Variants in FNDC3B observed in about 807,000 individuals in gnomAD.
The protein encoded by FNDC3B is fibronectin type III domain-containing protein 3B.
FNDC3B carries 12 observed loss-of-function variants against 151.5 expected under a neutral mutation model. The ratio of observed to expected loss-of-function variants is 0.08; its 90% CI spans 0.05 to 0.13. The LOEUF is 0.13. FNDC3B is among the 10% of genes least tolerant of loss of function. The probability of loss-of-function intolerance (pLI) is 1.00; values close to 1 mark genes in which losing one functional copy is unlikely to be tolerated. For missense variants in FNDC3B, 1,214 were observed against 1,505.3 expected, an observed-to-expected ratio of 0.81 and a Z score of 3.20; for synonymous variants, 528 against 549.0, an observed-to-expected ratio of 0.96 and a Z score of 0.54.
chr3:172,384,260 C>T (rs986310956), intron 25 of FNDC3B, among the ~76,000 whole-genome samples: 6 of 152,190 alleles, frequency 3.9e-5, no homozygotes, highest in Admixed American at 1.3e-4. Flanking sequence ...TTAACATCAG[C>T]GGATGATGTC....
intron 1 of FNDC3B, among the ~76,000 whole-genome samples, chr3:172,070,800 G>A (rs1196670911): frequency 2.6e-5 from 4 of 152,078 alleles, no homozygotes; most frequent in Non-Finnish European, 5.9e-5. Flanking sequence ...ATCTTTACCC[G>A]TTTTCATTCT....
chr3:172,322,026 T>A (rs9837059), intron 11 of FNDC3B, among the ~76,000 whole-genome samples: 26,290 of 152,220 alleles, frequency 0.17, 3,132 homozygotes, highest in African/African-American at 0.34. Flanking sequence ...GTATATAGAC[T>A]TCAAAATAGA....
At chr3:172,168,342 CT>C (rs1348390623) in intron 3 of FNDC3B, among the ~76,000 whole-genome samples, 2 of 152,152 alleles carry the variant, frequency 1.3e-5, no homozygotes, top group African/African-American at 4.8e-5. Flanking sequence ...GCCCTCTTTT[CT>C]TTTATTCTGA....
At chr3:172,363,587 A>G (rs1323169134) in intron 23 of FNDC3B, among the ~76,000 whole-genome samples, 1 of 152,230 alleles carries the variant, frequency 6.6e-6, no homozygotes. Context: ...TAAAACCAAA[A>G]CAACCAAAAT....
chr3:172,327,231 C>T (rs1419163365), intron 11 of FNDC3B, among the ~76,000 whole-genome samples: 1 of 152,160 alleles, frequency 6.6e-6, no homozygotes, highest in African/African-American at 2.4e-5. Flanking sequence ...CCCAACTCGG[C>T]CACCAAGTTG....
intron 4 of FNDC3B, among the ~76,000 whole-genome samples, chr3:172,241,031 T>C (rs1179041237): frequency 1.3e-5 from 2 of 152,106 alleles, no homozygotes; most frequent in African/African-American, 2.4e-5. Flanking sequence ...AAAACAGACA[T>C]GATAAAGAAT....
chr3:172,275,688 C>G (rs926393591), intron 6 of FNDC3B, among the ~76,000 whole-genome samples: 1 of 152,192 alleles, frequency 6.6e-6, no homozygotes, highest in Non-Finnish European at 1.5e-5. Flanking sequence ...TAGCATTTTC[C>G]GTATAGACAT....
chr3:172,311,833 G>A (rs1372015985), intron 11 of FNDC3B, among the ~76,000 whole-genome samples: 9 of 149,782 alleles, frequency 6.0e-5, no homozygotes, highest in East Asian at 4.0e-4. Context: ...AGCCGAGATC[G>A]CACCACTGCA....
At chr3:172,189,386 A>G (rs541041169) in intron 3 of FNDC3B, among the ~76,000 whole-genome samples, 2 of 152,252 alleles carry the variant, frequency 1.3e-5, no homozygotes, top group Non-Finnish European at 2.9e-5. Flanking sequence ...TTTTCATTCC[A>G]AATTTTCTAT....
Position 172,109,933 on chromosome 3 carries a change from A to T in FNDC3B, c.-28-2519A>T, listed in dbSNP as rs571709379. On this transcript the variant is annotated intron_variant, in intron 1 of 25. Coordinates refer to ENST00000415807, the MANE Select transcript of FNDC3B (RefSeq NM_022763.4). ...GTTTTGCACATCTGTGTCAGTCCCCATACTCTTCTATCCTACTTCTGTAAG... is the reference window on the plus strand; with the variant it reads ...GTTTTGCACATCTGTGTCAGTCCCCTTACTCTTCTATCCTACTTCTGTAAG... Among the ~76,000 whole-genome samples, 20 of 152,316 alleles carry T rather than the reference A, an allele frequency of 1.3e-4. No individual in the cohort carries two copies. The South Asian group carries it at 3.1e-3, about 24-fold the overall frequency.
intron 4 of FNDC3B, among the ~76,000 whole-genome samples, chr3:172,244,702 G>A (rs998923935): frequency 7.7e-6 from 1 of 130,230 alleles, no homozygotes; most frequent in African/African-American, 3.0e-5. Flanking sequence ...TTGGCTCACT[G>A]CAGCCTCCAC....
intron 1 of FNDC3B, among the ~76,000 whole-genome samples, chr3:172,060,541 G>A (rs1717148033): frequency 6.6e-6 from 1 of 152,188 alleles, no homozygotes; most frequent in Non-Finnish European, 1.5e-5. Flanking sequence ...GGTACCTGAA[G>A]TTTAGGGAGC....
chr3:172,168,037 A>T (rs970207987), intron 3 of FNDC3B, among the ~76,000 whole-genome samples: 78 of 152,212 alleles, frequency 5.1e-4, no homozygotes, highest in African/African-American at 1.8e-3. Context: ...CAGCTGTTGT[A>T]ATGCTATGAT....
At chr3:172,147,111 G>A (rs957364238) in intron 3 of FNDC3B, among the ~76,000 whole-genome samples, 3 of 152,082 alleles carry the variant, frequency 2.0e-5, no homozygotes, top group Non-Finnish European at 4.4e-5. Flanking sequence ...TTTGAGACCA[G>A]CCAGGCCAAC....
At chr3:172,349,152 C>T (rs1733742889) in intron 21 of FNDC3B, among the ~76,000 whole-genome samples, 2 of 151,892 alleles carry the variant, frequency 1.3e-5, no homozygotes, top group African/African-American at 4.8e-5. Context: ...AAAAATTAGC[C>T]AGGCATCTGT....
rs549259974 is a variant in FNDC3B, at chr3:172,216,149, C to A, written c.188-10722C>A. ...TGAAGCACTCGATGCTCTGGTGATG[C>A]CTTTGTTTTAATTTTGCTGTTGATA... On this transcript the variant is annotated intron_variant, in intron 3 of 25. Coordinates refer to ENST00000415807, the MANE Select transcript of FNDC3B (RefSeq NM_022763.4). 1.7e-3 allele frequency among the ~76,000 whole-genome samples: 262 copies of A among 152,226 alleles called. 1 individual carries two copies. Among genetic ancestry groups the A allele is most frequent in the Middle Eastern group, 0.014 (4 of 294 alleles).
At chr3:172,175,782 TG>T (rs746983244) in intron 3 of FNDC3B, among the ~76,000 whole-genome samples, 63 of 152,190 alleles carry the variant, frequency 4.1e-4, no homozygotes, top group Middle Eastern at 3.4e-3. Flanking sequence ...TGGAGAAGTG[TG>T]AAGGGTCTCC....
intron 6 of FNDC3B, among the ~76,000 whole-genome samples, chr3:172,281,881 G>T (rs1456207207): frequency 6.6e-6 from 1 of 152,064 alleles, no homozygotes; most frequent in Non-Finnish European, 1.5e-5. Flanking sequence ...TTCACAATAT[G>T]GGAGGTGTGT....
chr3:172,374,302 A>T (rs1400755801), intron 23 of FNDC3B, among the ~76,000 whole-genome samples: 1 of 152,240 alleles, frequency 6.6e-6, no homozygotes, highest in East Asian at 1.9e-4. Flanking sequence ...CCTTTCTAAA[A>T]ATTCTGTCTT....
Sources: allele counts gnomAD v4.1 joint callset (sites outside exome capture counted in the v4.1 genomes callset), GRCh38; gene constraint gnomAD v4.1.1; transcripts MANE v1.5; gene names NCBI Gene and HGNC (gene_info 2026-07-23, HGNC 2026-07-21).